The following CYFIP1 variants were observed in gnomAD, a reference collection of about 807,000 sequenced individuals.
CYFIP1 encodes the protein cytoplasmic FMR1 interacting protein 1.
A neutral mutation model predicts 163.5 loss-of-function variants in CYFIP1; 58 were observed. The ratio of observed to expected loss-of-function variants is 0.35; its 90% CI spans 0.29 to 0.44. The LOEUF (loss-of-function observed/expected upper bound fraction) is 0.44, where lower values mean the gene tolerates loss of function less well. CYFIP1 is among the 20% of genes least tolerant of loss of function. The pLI is 1.00. For missense variants in CYFIP1, 1,338 were observed against 1,653.8 expected (o/e 0.81, Z 3.31); for synonymous variants, 663 against 660.7 (o/e 1.00, Z -0.05).
chr15:22,949,293 C>T (rs990245942), intron 1 of CYFIP1, among the ~76,000 whole-genome samples: 3 of 81,024 alleles, frequency 3.7e-5, no homozygotes, highest in African/African-American at 9.4e-5. Flanking sequence ...CCAGGCGGGC[C>T]GGAAGGCGGG....
At chr15:22,914,385 T>C (rs577892843) in intron 17 of CYFIP1, among the ~76,000 whole-genome samples, 34 of 152,072 alleles carry the variant, frequency 2.2e-4, no homozygotes, top group East Asian at 1.2e-3. Flanking sequence ...TAGTTACTTG[T>C]ATTAATCTCT....
chr15:22,957,463 C>T (rs1402699869), intron 1 of CYFIP1, among the ~76,000 whole-genome samples: 1 of 152,130 alleles, frequency 6.6e-6, no homozygotes. Flanking sequence ...GGTGAAACCC[C>T]ACCTCTACTA....
At chr15:22,924,793 T>C (rs2061305339) in intron 13 of CYFIP1, among the ~76,000 whole-genome samples, 1 of 152,114 alleles carries the variant, frequency 6.6e-6, no homozygotes, top group African/African-American at 2.4e-5. Flanking sequence ...AAATTTTGGC[T>C]GGGCGCAGTG....
In CYFIP1 at chr15:22,903,048, A is replaced by G. The variant is rs576437488; in HGVS notation, c.2588+658T>C. 5.9e-4 allele frequency among the ~76,000 whole-genome samples: 90 copies of G among 152,310 alleles called. 1 individual carries two copies. Among genetic ancestry groups the G allele is most frequent in the African/African-American group, 2.1e-3 (86 of 41,550 alleles). Reference sequence around the variant, plus strand: ...AAGTGCTCCTAACACTCGCATGTGCACACACCTGCACTCCTCTACGTCTGG... The same window carrying G: ...AAGTGCTCCTAACACTCGCATGTGCGCACACCTGCACTCCTCTACGTCTGG... On this transcript the variant is annotated intron_variant, in intron 22 of 30. Coordinates refer to ENST00000617928, the MANE Select transcript of CYFIP1 (RefSeq NM_014608.6).
At chr15:22,888,090 G>T (rs1269932290) in intron 23 of CYFIP1, among the ~76,000 whole-genome samples, 2 of 152,312 alleles carry the variant, frequency 1.3e-5, no homozygotes, top group Admixed American at 6.5e-5. Context: ...TGTAAGTGGT[G>T]ACATGACCAA....
intron 1 of CYFIP1, among the ~76,000 whole-genome samples, chr15:22,949,134 C>A (rs2062159330): frequency 6.6e-6 from 1 of 152,202 alleles, no homozygotes; most frequent in Admixed American, 6.5e-5. Flanking sequence ...AACTGCTGAA[C>A]ACTAAAGATA....
Position 22,869,932 on chromosome 15 carries a change from TAC to T in CYFIP1, c.*94_*95del. The T allele has an allele frequency of 8.3e-7, 1 of 1,206,604 alleles. No individual in the cohort carries two copies. The highest frequency in any genetic ancestry group is 1.1e-6 in the Non-Finnish European group (1 of 904,058). The allele number at this position is 1,206,604 out of a possible 1,614,324, so 74.7% of individuals were successfully genotyped here. ...ATCGAAAAGCACCCCCTTTAACAGG[TAC>T]AGAGATACTGAAAAATAGTCCCTAA... On this transcript the variant is annotated 3_prime_UTR_variant, in exon 31 of 31. Coordinates refer to ENST00000617928, the MANE Select transcript of CYFIP1 (RefSeq NM_014608.6).
chr15:22,921,122 T>C (rs2061161464), intron 13 of CYFIP1, among the ~76,000 whole-genome samples: 2 of 152,016 alleles, frequency 1.3e-5, no homozygotes, highest in South Asian at 4.2e-4. Flanking sequence ...GTAATCCCAG[T>C]ATTTTGGGAG....
chr15:22,977,841 A>G (rs531515856), intron 1 of CYFIP1, among the ~76,000 whole-genome samples: 29 of 152,248 alleles, frequency 1.9e-4, no homozygotes, highest in African/African-American at 7.0e-4. Context: ...CACAAAAAAT[A>G]AAATAAAATA....
Position 22,937,003 on chromosome 15 carries a change from C to A in CYFIP1, c.900+101G>T. 7 of 781,216 alleles carry A rather than the reference C, an allele frequency of 9.0e-6. No homozygotes were observed. The South Asian group carries it at 9.5e-5, about 11-fold the overall frequency. The allele number at this position is 781,216 out of a possible 1,614,324, so 48.4% of individuals were successfully genotyped here. A position where few individuals can be genotyped will look rare whatever the true frequency, so the allele number is the denominator to read the frequency against. On this transcript the variant is annotated intron_variant, in intron 9 of 30. Coordinates refer to ENST00000617928, the MANE Select transcript of CYFIP1 (RefSeq NM_014608.6). ...TGCCCCAGACTCCACCCAGCCCCAG[C>A]GTTTCCTGATATAGATCACAGTCAC... is the stretch of plus-strand genomic sequence containing the variant.
chr15:22,928,361 C>T (rs1474825066), intron 11 of CYFIP1, among the ~76,000 whole-genome samples: 1 of 151,584 alleles, frequency 6.6e-6, no homozygotes, highest in Non-Finnish European at 1.5e-5. Context: ...CCAGCCTGGG[C>T]GACAGAGCGA....
At chr15:22,980,725 C>G (rs1162725330), upstream of CYFIP1, among the ~76,000 whole-genome samples, 1 of 150,274 alleles carries the variant, frequency 6.7e-6, no homozygotes, top group Non-Finnish European at 1.5e-5. Context: ...TTGGCCTGAG[C>G]TGCGGAAGGA....
At chr15:22,916,969 T>G (rs1450701868) in intron 15 of CYFIP1, 20 of 1,551,496 alleles carry the variant, frequency 1.3e-5, no homozygotes, top group Non-Finnish European at 1.4e-5. Flanking sequence ...CCCAGAGACT[T>G]GAGCTGCCTG....
intron 1 of CYFIP1, among the ~76,000 whole-genome samples, chr15:22,977,370 G>A (rs956937087): frequency 1.3e-5 from 2 of 152,076 alleles, no homozygotes; most frequent in African/African-American, 4.8e-5. Context: ...CAATTTGTAT[G>A]CCTTTTCTTT....
chr15:22,928,148 G>A (rs1193743862), intron 11 of CYFIP1, 120 bp from the exon 12 acceptor site: 2 of 1,209,762 alleles, frequency 1.7e-6, no homozygotes, highest in Non-Finnish European at 2.2e-6. Context: ...AAATGCAGGA[G>A]GCCAAGGCGG....
chr15:22,903,875 T>G lies in CYFIP1; in HGVS notation c.2419A>C (p.Met807Leu). The change falls in exon 22 of 31, where the codon ATG becomes CTG. Residue 807 changes from methionine (M) to leucine (L), a missense_variant. This residue lies in a region of CYFIP1 where 824 missense variants were observed against 995.7 expected (regional missense o/e 0.83). Coordinates refer to ENST00000617928, the MANE Select transcript of CYFIP1 (RefSeq NM_014608.6). ...ELDGLLEINR[M>L]THKLLSRYLT... ...TACCGGCTCAGCAGCTTGTGGGTCATGCGGTTGATTTCCAACAGGCCATCC... is the reference window on the plus strand; with the variant it reads ...TACCGGCTCAGCAGCTTGTGGGTCAGGCGGTTGATTTCCAACAGGCCATCC... 1 of 1,614,110 alleles carries G rather than the reference T, an allele frequency of 6.2e-7. No individual in the cohort carries two copies. Among genetic ancestry groups the G allele is most frequent in the Non-Finnish European group, 8.5e-7 (1 of 1,180,008 alleles).
chr15:22,963,560 A>ACATAACATAACAT (rs199915541), intron 1 of CYFIP1, among the ~76,000 whole-genome samples: 7 of 118,820 alleles, frequency 5.9e-5, no homozygotes, highest in Non-Finnish European at 9.7e-5. Context: ...ATAACATAAG[A>ACATAACATAACAT]AAGAATGAAA....
At chr15:22,979,099 G>C (rs910231876) in intron 1 of CYFIP1, among the ~76,000 whole-genome samples, 2 of 152,174 alleles carry the variant, frequency 1.3e-5, no homozygotes, top group Non-Finnish European at 2.9e-5. Context: ...CACGACTCCA[G>C]GGCGCCTCGG....
At chr15:22,980,116 G>A (rs1258111379) in intron 1 of CYFIP1, among the ~76,000 whole-genome samples, 171 bp downstream of exon 1, 3 of 136,952 alleles carry the variant, frequency 2.2e-5, no homozygotes, top group African/African-American at 7.9e-5. Flanking sequence ...GGGGACGCGG[G>A]GACCAGGACG....
Sources: gnomAD v4.1 joint callset for allele counts (sites outside exome capture counted in the v4.1 genomes callset) on GRCh38, gnomAD v4.1.1 for gene constraint, gnomAD v4.1.1 regional missense constraint, MANE v1.5 for transcripts, NCBI Gene and HGNC (gene_info 2026-07-23, HGNC 2026-07-21) for gene names.